The following SLC27A2 variants were observed in gnomAD, a reference collection of about 807,000 sequenced individuals.
SLC27A2 encodes the protein long-chain fatty acid transport protein 2.
A neutral mutation model predicts 60.0 loss-of-function variants in SLC27A2; 54 were observed. The observed-to-expected ratio is 0.90, with a 90% CI of 0.72 to 1.13. SLC27A2 has a LOEUF of 1.13. Ranked by LOEUF, SLC27A2 falls within the 50% of genes most tolerant of loss-of-function variation. SLC27A2 has a pLI of 0.00. For synonymous variants in SLC27A2, 297 were observed against 297.6 expected (o/e 1.00, Z 0.02); for missense variants, 739 against 777.6 (o/e 0.95, Z 0.59).
At chr15:50,218,197 C>T (rs1439437118) in intron 4 of SLC27A2, among the ~76,000 whole-genome samples, 1 of 150,416 alleles carries the variant, frequency 6.6e-6, no homozygotes, top group South Asian at 2.1e-4. Flanking sequence ...AAGAATCAGA[C>T]TTGAAAACTA....
chr15:50,211,964 G>A (rs9672213), intron 4 of SLC27A2, among the ~76,000 whole-genome samples: 4,660 of 151,182 alleles, frequency 0.031, 244 homozygotes, highest in African/African-American at 0.11. Context: ...CCAGCTACTC[G>A]GGAGGCTGAG....
intron 4 of SLC27A2, among the ~76,000 whole-genome samples, chr15:50,219,902 C>G (rs1029384442): frequency 6.6e-6 from 1 of 152,126 alleles, no homozygotes; most frequent in Non-Finnish European, 1.5e-5. Flanking sequence ...AAAAAATAAG[C>G]TGGTGACCCT....
At chr15:50,214,336 C>T (rs1325579703) in intron 4 of SLC27A2, among the ~76,000 whole-genome samples, 9 of 151,722 alleles carry the variant, frequency 5.9e-5, no homozygotes, top group Middle Eastern at 3.4e-3. Context: ...TAAAAATTAC[C>T]GACAAAAAAA....
At chr15:50,209,245 A>G (rs191221037) in intron 4 of SLC27A2, among the ~76,000 whole-genome samples, 5 of 152,270 alleles carry the variant, frequency 3.3e-5, no homozygotes, top group Admixed American at 3.3e-4. Flanking sequence ...CTTCTAGCCT[A>G]AAATTTCTGT....
chr15:50,222,952 T>C lies in SLC27A2; in HGVS notation c.973-13T>C. On this transcript the variant is annotated splice_polypyrimidine_tract_variant and intron_variant, in intron 4 of 9. Coordinates refer to ENST00000267842, the MANE Select transcript of SLC27A2 (RefSeq NM_003645.4). The stretch of plus-strand genomic sequence containing the variant: ...ATGTTTCAGTTTGGTCTCCTTCTTC[T>C]CCCCCACCACAGAAACCAAATGACC... 1 of 1,590,180 alleles carries C rather than the reference T, an allele frequency of 6.3e-7. No individual in the cohort carries two copies. Among genetic ancestry groups the C allele is most frequent in the South Asian group, 1.1e-5 (1 of 87,134 alleles).
chr15:50,196,866 A>G (rs1400929122), intron 1 of SLC27A2, among the ~76,000 whole-genome samples: 1 of 152,212 alleles, frequency 6.6e-6, no homozygotes, highest in African/African-American at 2.4e-5. Flanking sequence ...AAATTGTTAC[A>G]TAAAGTTAGC....
intron 1 of SLC27A2, among the ~76,000 whole-genome samples, chr15:50,184,751 C>T (rs1012428968): frequency 6.6e-6 from 1 of 152,032 alleles, no homozygotes; most frequent in Admixed American, 6.5e-5. Flanking sequence ...GCAGGAGAAT[C>T]ACCTGAACCC....
chr15:50,185,343 G>A (rs1290722808), intron 1 of SLC27A2, among the ~76,000 whole-genome samples: 1 of 152,118 alleles, frequency 6.6e-6, no homozygotes, highest in Non-Finnish European at 1.5e-5. Context: ...ACCTCTGAGG[G>A]AGGCCACATA....
At chr15:50,198,887 C>T (rs926217095) in intron 2 of SLC27A2, among the ~76,000 whole-genome samples, 2 of 152,104 alleles carry the variant, frequency 1.3e-5, no homozygotes, top group African/African-American at 4.8e-5. Context: ...CCCTCAGCAC[C>T]CACCTGAGCT....
At chr15:50,204,482 T>C (rs558785965) in intron 3 of SLC27A2, among the ~76,000 whole-genome samples, 237 of 150,580 alleles carry the variant, frequency 1.6e-3, no homozygotes, top group African/African-American at 4.7e-3. Flanking sequence ...GCCTGTAATC[T>C]CAGCACTTTG....
At chr15:50,208,252 G>A (rs1324507760) in intron 4 of SLC27A2, among the ~76,000 whole-genome samples, 2 of 152,198 alleles carry the variant, frequency 1.3e-5, no homozygotes, top group Admixed American at 1.3e-4. Flanking sequence ...ACCATATTCA[G>A]TAGCTTCTCT....
chr15:50,182,558 G>T lies in SLC27A2; in HGVS notation c.131G>T (p.Arg44Leu), dbSNP rs2044866471. 6.2e-7 allele frequency: 1 copy of T among 1,612,768 alleles called. No individual in the cohort carries two copies. Among genetic ancestry groups the T allele is most frequent in the African/African-American group, 1.3e-5 (1 of 74,920 alleles). The stretch of plus-strand genomic sequence containing the variant: ...GTGGCCGCCGTGGGCCGGAGGGTGC[G>T]CAGCTACGGGAAGCGGCGGCCGGCG... ...LKVAAVGRRV[R>L]SYGKRRPART... The change falls in exon 1 of 10, where the codon CGC (arginine) becomes CTC (leucine). Residue 44 changes from arginine (R) to leucine (L), a missense_variant. Physicochemically the swap from Arg to Leu is moderately radical, Grantham distance 102. Coordinates refer to ENST00000267842, the MANE Select transcript of SLC27A2 (RefSeq NM_003645.4).
rs2045351143 is a variant in SLC27A2 at position 50,236,215 on chromosome 15, C to A, written c.*119C>A. On this transcript the variant is annotated 3_prime_UTR_variant, in exon 10 of 10. Transcript: ENST00000267842. Reference sequence around the variant, plus strand: ...GGAAATTTTGTAGGAAATTTGCATACCCGTAAAGGGAGACTTTTTTAAATA... The same window carrying A: ...GGAAATTTTGTAGGAAATTTGCATAACCGTAAAGGGAGACTTTTTTAAATA... The A allele has an allele frequency of 5.0e-6, 4 of 801,002 alleles. No homozygotes were observed. The highest frequency in any genetic ancestry group is 5.0e-5 in the South Asian group (2 of 40,212). 49.6% of individuals were successfully genotyped at this position (801,002 alleles called of 1,614,324 possible). A position where few individuals can be genotyped will look rare whatever the true frequency, so the allele number is the denominator to read the frequency against.
chr15:50,199,065 A>T (rs552888249), intron 2 of SLC27A2, among the ~76,000 whole-genome samples: 134 of 152,276 alleles, frequency 8.8e-4, no homozygotes, highest in African/African-American at 2.9e-3. Flanking sequence ...GGCCAACAGA[A>T]AGGTGAGATG....
intron 4 of SLC27A2, among the ~76,000 whole-genome samples, chr15:50,211,588 G>A (rs1350906669): frequency 6.6e-6 from 1 of 152,044 alleles, no homozygotes; most frequent in African/African-American, 2.4e-5. Flanking sequence ...ATCCCCAAAA[G>A]ATCACACTAG....
At chr15:50,194,896 T>C (rs2140898081) in intron 1 of SLC27A2, among the ~76,000 whole-genome samples, 1 of 152,312 alleles carries the variant, frequency 6.6e-6, no homozygotes, top group Non-Finnish European at 1.5e-5. Flanking sequence ...TTTACTTGGC[T>C]CCGTGGTGAA....
At chr15:50,214,503 A>G (rs1371053758) in intron 4 of SLC27A2, among the ~76,000 whole-genome samples, 1 of 152,112 alleles carries the variant, frequency 6.6e-6, no homozygotes, top group East Asian at 1.9e-4. Flanking sequence ...AAAACCAGAA[A>G]GGACATAACC....
intron 8 of SLC27A2, among the ~76,000 whole-genome samples, 157 bp from the exon 9 acceptor site, chr15:50,233,711 C>T (rs1453599031): frequency 6.6e-6 from 1 of 152,180 alleles, no homozygotes; most frequent in Non-Finnish European, 1.5e-5. Context: ...AGTATTAGTA[C>T]AATCACTTTA....
chr15:50,210,604 T>G (rs889888497), intron 4 of SLC27A2, among the ~76,000 whole-genome samples: 1 of 152,230 alleles, frequency 6.6e-6, no homozygotes, highest in African/African-American at 2.4e-5. Flanking sequence ...CTAGCTAAAC[T>G]TTGGGATAAT....
Sources: allele counts gnomAD v4.1 joint callset (sites outside exome capture counted in the v4.1 genomes callset), GRCh38; gene constraint gnomAD v4.1.1; transcripts MANE v1.5; gene names NCBI Gene and HGNC (gene_info 2026-07-23, HGNC 2026-07-21).